ADD1: variants seen among roughly 807,000 people sequenced by gnomAD.
ADD1 encodes the protein alpha-adducin.
ADD1 carries 24 observed loss-of-function variants against 80.5 expected under a neutral mutation model. The observed-to-expected ratio is 0.30, with a 90% CI of 0.22 to 0.42. The LOEUF is 0.42. Ranked by LOEUF, ADD1 falls within the 10% of genes least tolerant of loss-of-function variation. ADD1 has a pLI of 1.00. For missense variants in ADD1, 948 were observed against 1,019.0 expected (o/e 0.93, Z 0.95); for synonymous variants, 373 against 393.8 (o/e 0.95, Z 0.63).
In ADD1 at chr4:2,928,378, A is replaced by C; in HGVS notation, c.2255A>C (p.Glu752Ala). The change falls in exon 16 of 16, where the codon GAA becomes GCA. Residue 752 changes from glutamate to alanine, a missense_variant. Coordinates refer to ENST00000683351, the MANE Select transcript of ADD1 (RefSeq NM_001354761.2). Reference protein sequence around the residue: ...EPAPDPAPVAEEAAPSAVEEG... With the variant: ...EPAPDPAPVAAEAAPSAVEEG... Reference sequence around the variant, plus strand: ...GCCCCAGACCCAGCCCCGGTGGCTGAAGAGGCTGCCCCCTCAGCTGTCGAG... The same window carrying C: ...GCCCCAGACCCAGCCCCGGTGGCTGCAGAGGCTGCCCCCTCAGCTGTCGAG... 2 of 1,613,418 alleles carry C rather than the reference A, an allele frequency of 1.2e-6. No individual in the cohort carries two copies. The highest frequency in any genetic ancestry group is 1.7e-6 in the Non-Finnish European group (2 of 1,179,886).
chr4:2,926,703 A>G lies in ADD1; in HGVS notation c.2047+591A>G. 1 of 1,610,646 alleles carries G rather than the reference A, an allele frequency of 6.2e-7. No individual in the cohort carries two copies. Among genetic ancestry groups the G allele is most frequent in the South Asian group, 1.1e-5 (1 of 90,836 alleles). On this transcript the variant is annotated intron_variant, in intron 15 of 15. Transcript: ENST00000683351. The surrounding 1 kb of genome is among the most constrained non-coding windows in gnomAD (Gnocchi z 5.0). Reference sequence around the variant, plus strand: ...AAGTACCGTGCTGCCTCCGCTCTCCACCGGTGCCCTGCGCTTTGCCTCATT... The same window carrying G: ...AAGTACCGTGCTGCCTCCGCTCTCCGCCGGTGCCCTGCGCTTTGCCTCATT...
chr4:2,899,626 C>T (rs534298814), intron 9 of ADD1, 191 bp downstream of exon 9: 1 of 661,068 alleles, frequency 1.5e-6, no homozygotes, highest in South Asian at 1.8e-5. Flanking sequence ...TGAAGGATTC[C>T]TGGTATTGTT....
At position 2,898,701 on chromosome 4, in the gene ADD1, T is replaced by C. The variant is rs142540769; in HGVS notation, c.984+170T>C. The stretch of plus-strand genomic sequence containing the variant: ...ATCAGGACAAATGCTGTTTCACTGA[T>C]TGAAGTTGGCAAAGGATTACTGGGC... On this transcript the variant is annotated intron_variant, in intron 8 of 15. Coordinates refer to ENST00000683351, the MANE Select transcript of ADD1 (RefSeq NM_001354761.2). The C allele has an allele frequency of 4.5e-5, 29 of 639,196 alleles. No homozygotes were observed. In the African/African-American group the frequency reaches 4.6e-4, roughly 10 times the overall value. The allele number at this position is 639,196 out of a possible 1,614,324, so 39.6% of individuals were successfully genotyped here.
At chr4:2,914,679 T>C (rs1738675594) in intron 13 of ADD1, 1 of 520,514 alleles carries the variant, frequency 1.9e-6, no homozygotes, top group East Asian at 3.3e-5. Flanking sequence ...TTAATATCTG[T>C]TCATCGTGGC....
intron 14 of ADD1, among the ~76,000 whole-genome samples, chr4:2,925,630 GA>G (rs1199203019): frequency 6.6e-6 from 1 of 152,200 alleles, no homozygotes; most frequent in Non-Finnish European, 1.5e-5. Flanking sequence ...TTAAGGTGGT[GA>G]GTGGGTTCAG....
chr4:2,863,566 C>T (rs538764485), intron 1 of ADD1, among the ~76,000 whole-genome samples: 2 of 152,232 alleles, frequency 1.3e-5, no homozygotes, highest in South Asian at 4.1e-4. Context: ...AGTTCATAGG[C>T]TTGGAAGCCA....
intron 1 of ADD1, among the ~76,000 whole-genome samples, chr4:2,872,813 G>A (rs941835597): frequency 2.6e-5 from 4 of 152,102 alleles, no homozygotes; most frequent in Admixed American, 1.3e-4. Context: ...TCCCACATCA[G>A]CTTCTCAAAG....
intron 1 of ADD1, among the ~76,000 whole-genome samples, chr4:2,850,049 G>C (rs532742387): frequency 3.9e-5 from 6 of 152,202 alleles, no homozygotes; most frequent in Non-Finnish European, 7.3e-5. Context: ...CAGACAAAAA[G>C]TGAAACACCC....
At chr4:2,905,357 A>AAATATACAAT (rs1414822080) in intron 10 of ADD1, 15 of 537,134 alleles carry the variant, frequency 2.8e-5, no homozygotes, top group Non-Finnish European at 4.0e-5. Context: ...TATATAGCAA[A>AAATATACAAT]AATATACAAT....
rs142505906 is a variant in ADD1 at position 2,884,599 on chromosome 4, A to T, written c.443A>T (p.Lys148Ile). 6.2e-7 allele frequency: 1 copy of T among 1,613,520 alleles called. No individual in the cohort carries two copies. ...AAAGGAGAGAAGTTATTACGGTGTA[A>T]ATTGGCAGCGTTTTATAGACTAGCA... is the stretch of plus-strand genomic sequence containing the variant. ...YDKGEKLLRCKLAAFYRLADL... is the reference protein window; with the variant it reads ...YDKGEKLLRCILAAFYRLADL... The change falls in exon 4 of 16, where the codon AAA becomes ATA. Residue 148 changes from lysine to isoleucine, a missense_variant. Lys to Ile is a moderately radical substitution (Grantham distance 102). Transcript: ENST00000683351.
rs1037239114 is a variant in ADD1, at chr4:2,907,603, C to G, written c.1507-140C>G. On this transcript the variant is annotated intron_variant, in intron 10 of 15. Transcript: ENST00000683351. ...CCCATGGCGACTCTGCTGAGTGACC[C>G]AGATTAGATGTGGTCATTGGTTCAG... The G allele has an allele frequency of 6.8e-6, 5 of 731,656 alleles. No homozygotes were observed. In the African/African-American group the frequency reaches 8.7e-5, roughly 13 times the overall value. The allele number at this position is 731,656 out of a possible 1,614,324, so 45.3% of individuals were successfully genotyped here.
At chr4:2,919,786 CA>C (rs1739692238) in intron 14 of ADD1, among the ~76,000 whole-genome samples, 2 of 151,874 alleles carry the variant, frequency 1.3e-5, no homozygotes, top group South Asian at 4.1e-4. Flanking sequence ...TAAAAAAAAC[CA>C]GCTCCTGGAT....
intron 1 of ADD1, among the ~76,000 whole-genome samples, chr4:2,861,028 AT>A (rs920309522): frequency 1.3e-5 from 2 of 152,226 alleles, no homozygotes; most frequent in African/African-American, 4.8e-5. Context: ...AAACTTCAAA[AT>A]TTCCAGTTGA....
chr4:2,895,759 G>C (rs1419054567), intron 6 of ADD1, among the ~76,000 whole-genome samples: 1 of 152,170 alleles, frequency 6.6e-6, no homozygotes, highest in Admixed American at 6.5e-5. Flanking sequence ...GAAAGTGCAC[G>C]TGCAGGCTAT....
chr4:2,853,232 C>T (rs909083890), intron 1 of ADD1: 5 of 151,476 alleles, frequency 3.3e-5, no homozygotes, highest in African/African-American at 1.2e-4. Flanking sequence ...CCTCAGCCTC[C>T]CCAGTACCTG....
chr4:2,903,898 C>G (rs1560221485), intron 9 of ADD1, among the ~76,000 whole-genome samples: 1 of 152,138 alleles, frequency 6.6e-6, no homozygotes, highest in Non-Finnish European at 1.5e-5. Context: ...TGTCTTTTAC[C>G]ACAGAGCACA....
At chr4:2,908,306 G>A (rs1199099376) in intron 11 of ADD1, among the ~76,000 whole-genome samples, 8 of 152,228 alleles carry the variant, frequency 5.3e-5, no homozygotes, top group Admixed American at 5.2e-4. Context: ...TGGGGAGCTG[G>A]GAATAGTCTC....
intron 13 of ADD1, among the ~76,000 whole-genome samples, chr4:2,914,114 T>C (rs1338099225): frequency 2.0e-5 from 3 of 150,208 alleles, no homozygotes; most frequent in Non-Finnish European, 3.0e-5. Context: ...TTCCTGCCCC[T>C]GACCCAATCA....
chr4:2,848,523 T>A (rs941568963), intron 1 of ADD1, among the ~76,000 whole-genome samples: 19 of 152,178 alleles, frequency 1.2e-4, no homozygotes, highest in African/African-American at 4.6e-4. Flanking sequence ...GGCGGGAATA[T>A]AGTGATGTGA....
Sources: gnomAD v4.1 joint callset for allele counts (sites outside exome capture counted in the v4.1 genomes callset) on GRCh38, gnomAD v4.1.1 for gene constraint, Gnocchi (gnomAD v3.1) non-coding constraint, MANE v1.5 for transcripts, NCBI Gene and HGNC (gene_info 2026-07-23, HGNC 2026-07-21) for gene names.